The following CEP85L variants were observed in gnomAD, a reference collection of about 807,000 sequenced individuals.
The protein encoded by CEP85L is centrosomal protein of 85 kDa-like.
Under a neutral mutation model 100.3 loss-of-function variants are expected in CEP85L, and 60 were observed. The ratio of observed to expected loss-of-function variants is 0.60; its 90% CI spans 0.49 to 0.74. CEP85L has a LOEUF of 0.74. CEP85L is among the 30% of genes least tolerant of loss of function. The pLI, the probability that CEP85L is intolerant of heterozygous loss-of-function variation, is 0.00. For missense variants in CEP85L, 973 were observed against 936.2 expected (o/e 1.04, Z -0.51); for synonymous variants, 319 against 322.7 (o/e 0.99, Z 0.12).
At chr6:118,465,804 T>C (rs1772474027) in intron 12 of CEP85L, among the ~76,000 whole-genome samples, 1 of 152,090 alleles carries the variant, frequency 6.6e-6, no homozygotes, top group Non-Finnish European at 1.5e-5. Flanking sequence ...TACACACAAA[T>C]TCAGCATGTT....
At chr6:118,560,375 TAAGA>T (rs1175791205) in intron 3 of CEP85L, 2 of 166,924 alleles carry the variant, frequency 1.2e-5, no homozygotes, top group Admixed American at 6.5e-5. Context: ...TAGAAAATCA[TAAGA>T]AAGAGAAAAT....
At chr6:118,591,023 T>C (rs1489028777) in intron 2 of CEP85L, among the ~76,000 whole-genome samples, 2 of 152,130 alleles carry the variant, frequency 1.3e-5, no homozygotes, top group Non-Finnish European at 2.9e-5. Context: ...ATCAATTCAG[T>C]TCAGTTCAGC....
At chr6:118,571,922 T>A (rs1779912561) in intron 2 of CEP85L, among the ~76,000 whole-genome samples, 1 of 152,146 alleles carries the variant, frequency 6.6e-6, no homozygotes, top group South Asian at 2.1e-4. Flanking sequence ...AAGGGAACAA[T>A]CTCAGCTCAC....
intron 5 of CEP85L, among the ~76,000 whole-genome samples, chr6:118,500,810 C>A (rs1466744773): frequency 6.6e-6 from 1 of 152,212 alleles, no homozygotes; most frequent in Non-Finnish European, 1.5e-5. Flanking sequence ...GAGCAATACC[C>A]TGTCTCAAAC....
intron 2 of CEP85L, among the ~76,000 whole-genome samples, chr6:118,606,228 T>C (rs1287985302): frequency 6.6e-6 from 1 of 152,218 alleles, no homozygotes; most frequent in African/African-American, 2.4e-5. Context: ...TCAGATCTCT[T>C]ATTACCTGAC....
chr6:118,502,346 C>A, intron 5 of CEP85L: 1 of 518,222 alleles, frequency 1.9e-6, no homozygotes. Context: ...AGTTTCTGGC[C>A]CCATGCCAAG....
At chr6:118,577,460 G>A (rs1210766359) in intron 2 of CEP85L, among the ~76,000 whole-genome samples, 1 of 152,082 alleles carries the variant, frequency 6.6e-6, no homozygotes, top group Admixed American at 6.5e-5. Context: ...TTCCACAAGG[G>A]GTGCCAAATG....
intron 2 of CEP85L, among the ~76,000 whole-genome samples, chr6:118,623,754 G>A (rs1178329940): frequency 3.3e-5 from 5 of 152,112 alleles, no homozygotes; most frequent in African/African-American, 7.2e-5. Context: ...ATCAGGAAAC[G>A]GCCAATTTGG....
At chr6:118,615,276 C>T (rs1250385092) in intron 2 of CEP85L, among the ~76,000 whole-genome samples, 2 of 152,002 alleles carry the variant, frequency 1.3e-5, no homozygotes, top group East Asian at 3.9e-4. Context: ...CTTACAGTAG[C>T]TTGATTATTC....
intron 1 of CEP85L, among the ~76,000 whole-genome samples, chr6:118,669,425 T>C (rs1776229234): frequency 6.6e-6 from 1 of 151,662 alleles, no homozygotes; most frequent in African/African-American, 2.4e-5. Context: ...TATTCCGTTG[T>C]TGTTCCAACT....
At chr6:118,656,367 T>C (rs574665042), upstream of CEP85L, among the ~76,000 whole-genome samples, 3 of 152,292 alleles carry the variant, frequency 2.0e-5, no homozygotes, top group East Asian at 5.8e-4. Flanking sequence ...GAGTGGAACT[T>C]TTACAATTGA....
intron 3 of CEP85L, among the ~76,000 whole-genome samples, chr6:118,547,626 T>A (rs1046288656): frequency 9.2e-5 from 14 of 152,138 alleles, no homozygotes; most frequent in Admixed American, 9.2e-4. Flanking sequence ...GTTGTATGTA[T>A]CAGTTTAAAT....
intron 3 of CEP85L, among the ~76,000 whole-genome samples, chr6:118,542,917 A>AAAAAAAAAAAAAAAAAAAAAAAAC (rs758286537): frequency 6.7e-6 from 1 of 150,080 alleles, no homozygotes. Context: ...AAAAAAAAAA[A>AAAAAAAAAAAAAAAAAAAAAAAAC]AAAAAACAGG....
chr6:118,629,169 A>G (rs1245478100), intron 2 of CEP85L, among the ~76,000 whole-genome samples: 1 of 152,098 alleles, frequency 6.6e-6, no homozygotes, highest in East Asian at 1.9e-4. Context: ...GATTATATGT[A>G]AATACTACAC....
chr6:118,468,432 A>G (rs1281277589), intron 12 of CEP85L, among the ~76,000 whole-genome samples: 1 of 152,204 alleles, frequency 6.6e-6, no homozygotes, highest in African/African-American at 2.4e-5. Context: ...CCTGATTTGG[A>G]ACCACGTACA....
intron 7 of CEP85L, 72 bp from the exon 8 acceptor site, chr6:118,482,005 G>A: frequency 2.5e-6 from 2 of 795,948 alleles, no homozygotes; most frequent in Non-Finnish European, 1.7e-6. Context: ...CTGTTACTGT[G>A]TTGGCAAGGA....
chr6:118,632,064 A>G (rs987659400), intron 2 of CEP85L, among the ~76,000 whole-genome samples: 1 of 152,164 alleles, frequency 6.6e-6, no homozygotes, highest in Non-Finnish European at 1.5e-5. Context: ...ATCTCAGCTC[A>G]CTGCAAGCTC....
intron 3 of CEP85L, among the ~76,000 whole-genome samples, chr6:118,525,107 G>A (rs1776890315): frequency 6.6e-6 from 1 of 152,102 alleles, no homozygotes. Context: ...CGTGTGACAA[G>A]AACCCAATTT....
At chr6:118,491,052 C>A (rs931566792) in intron 6 of CEP85L, among the ~76,000 whole-genome samples, 1 of 152,112 alleles carries the variant, frequency 6.6e-6, no homozygotes, top group Non-Finnish European at 1.5e-5. Flanking sequence ...AGTAGTGGGA[C>A]TGCTGGATCA....
Sources: allele counts gnomAD v4.1 joint callset (sites outside exome capture counted in the v4.1 genomes callset), GRCh38; gene constraint gnomAD v4.1.1; transcripts MANE v1.5; gene names NCBI Gene and HGNC (gene_info 2026-07-23, HGNC 2026-07-21).